ZPBP: variants seen among roughly 807,000 people sequenced by gnomAD.
The protein encoded by ZPBP is zona pellucida-binding protein 1.
A neutral mutation model predicts 44.8 loss-of-function variants in ZPBP; 26 were observed. The ratio of observed to expected loss-of-function variants is 0.58; its 90% CI spans 0.43 to 0.81. The LOEUF (loss-of-function observed/expected upper bound fraction) is 0.81, where lower values mean the gene tolerates loss of function less well. Ranked by LOEUF, ZPBP falls within the 30% of genes least tolerant of loss-of-function variation. ZPBP has a pLI of 0.00. For synonymous variants in ZPBP, 174 were observed against 153.2 expected (o/e 1.14, Z -1.00); for missense variants, 409 against 434.0 (o/e 0.94, Z 0.51).
intron 4 of ZPBP, among the ~76,000 whole-genome samples, chr7:50,046,489 T>A (rs1251002473): frequency 6.7e-6 from 1 of 149,928 alleles, no homozygotes; most frequent in African/African-American, 2.5e-5. Flanking sequence ...GCAAAGGACA[T>A]GAACAGACAC....
intron 7 of ZPBP, among the ~76,000 whole-genome samples, chr7:49,974,882 A>G (rs1796439086): frequency 7.9e-3 from 2 of 254 alleles, no homozygotes; most frequent in African/African-American, 0.04. Flanking sequence ...TCCCTAGAGA[A>G]ATGCCCCATT....
chr7:50,020,570 C>T (rs1214312138), intron 5 of ZPBP, among the ~76,000 whole-genome samples: 1 of 152,060 alleles, frequency 6.6e-6, no homozygotes, highest in Non-Finnish European at 1.5e-5. Flanking sequence ...CTAAGCTTCT[C>T]GCACATCCCC....
intron 6 of ZPBP, among the ~76,000 whole-genome samples, chr7:49,997,261 C>A (rs1299298762): frequency 6.6e-6 from 1 of 152,156 alleles, no homozygotes; most frequent in Non-Finnish European, 1.5e-5. Context: ...TATTTTGACC[C>A]ATGTTTCAGC....
chr7:49,886,213 A>C (rs918223038), intron 2 of ZPBP, among the ~76,000 whole-genome samples: 7 of 152,306 alleles, frequency 4.6e-5, no homozygotes, highest in Non-Finnish European at 1.0e-4. Flanking sequence ...GACCTTGGTA[A>C]GCTGTGCTTC....
the ZPBP span, among the ~76,000 whole-genome samples, chr7:49,840,765 ACT>A: frequency 1.3e-5 from 2 of 151,596 alleles, no homozygotes; most frequent in South Asian, 2.1e-4. Flanking sequence ...ATTCAAGAAA[ACT>A]CTCCAAAATC....
At chr7:50,085,288 A>T (rs1295298572) in intron 2 of ZPBP, among the ~76,000 whole-genome samples, 1 of 152,096 alleles carries the variant, frequency 6.6e-6, no homozygotes, top group Non-Finnish European at 1.5e-5. Flanking sequence ...CAATACTTTG[A>T]TTTTTGATTT....
chr7:49,915,223 G>A (rs1366827871), intron 1 of ZPBP: 2 of 152,184 alleles, frequency 1.3e-5, no homozygotes, highest in East Asian at 3.9e-4. Context: ...CTGCATGCAA[G>A]AAGTATTAGA....
At chr7:49,993,442 A>C (rs1797653970) in intron 6 of ZPBP, among the ~76,000 whole-genome samples, 1 of 152,196 alleles carries the variant, frequency 6.6e-6, no homozygotes, top group Non-Finnish European at 1.5e-5. Flanking sequence ...ATTAAACACA[A>C]TTGATTGAAA....
At chr7:49,988,942 T>C (rs1171699316) in intron 6 of ZPBP, among the ~76,000 whole-genome samples, 1 of 152,220 alleles carries the variant, frequency 6.6e-6, no homozygotes, top group Non-Finnish European at 1.5e-5. Flanking sequence ...TTTTGAGCTA[T>C]TTATGACCTT....
Position 49,950,504 on chromosome 7 carries a change from T to C in ZPBP, c.962-12882A>G, listed in dbSNP as rs191987785. On this transcript the variant is annotated intron_variant, in intron 7 of 7. Coordinates refer to ENST00000046087, the MANE Select transcript of ZPBP (RefSeq NM_007009.3). The stretch of plus-strand genomic sequence containing the variant: ...ACAATGATCTCTATACTTAAGACAT[T>C]TTTGTAAGTTTTAGTAATAATTATA... Among the ~76,000 whole-genome samples the C allele has an allele frequency of 3.8e-3, 574 of 151,860 alleles. 2 individuals are homozygous for C. The highest frequency in any genetic ancestry group is 6.6e-3 in the Admixed American group (101 of 15,240).
intron 7 of ZPBP, among the ~76,000 whole-genome samples, chr7:49,969,239 T>A (rs1006708302): frequency 6.7e-6 from 1 of 149,582 alleles, no homozygotes; most frequent in South Asian, 2.1e-4. Context: ...ATAGCCAATA[T>A]ATATCTAAAT....
chr7:49,960,159 C>G (rs1166489791), intron 7 of ZPBP, among the ~76,000 whole-genome samples: 1 of 152,082 alleles, frequency 6.6e-6, no homozygotes, highest in African/African-American at 2.4e-5. Flanking sequence ...GTGACTCAGG[C>G]CTGTAATCCC....
At chr7:49,942,093 T>A (rs749952632) in intron 7 of ZPBP, among the ~76,000 whole-genome samples, 11 of 152,140 alleles carry the variant, frequency 7.2e-5, no homozygotes, top group Admixed American at 1.3e-4. Flanking sequence ...TTAGACCATA[T>A]ACAAAAATTA....
At chr7:49,878,500 T>C (rs1293394783) in intron 2 of ZPBP, among the ~76,000 whole-genome samples, 2 of 152,178 alleles carry the variant, frequency 1.3e-5, no homozygotes, top group Non-Finnish European at 2.9e-5. Flanking sequence ...CTGCTTTGAC[T>C]ATTTTCTTTC....
At chr7:49,991,432 G>A (rs1797566409) in intron 6 of ZPBP, among the ~76,000 whole-genome samples, 1 of 151,946 alleles carries the variant, frequency 6.6e-6, no homozygotes, top group Non-Finnish European at 1.5e-5. Context: ...AGAAAGTAAG[G>A]GTTATATAAT....
chr7:49,894,985 T>C (rs969735169), intron 2 of ZPBP, among the ~76,000 whole-genome samples: 2 of 152,204 alleles, frequency 1.3e-5, no homozygotes, highest in Non-Finnish European at 2.9e-5. Flanking sequence ...GAGTGAGTTT[T>C]TGTTAAATGT....
At chr7:49,845,294 A>G in the ZPBP span, among the ~76,000 whole-genome samples, 4 of 136,564 alleles carry the variant, frequency 2.9e-5, no homozygotes, top group South Asian at 2.1e-4. Context: ...AAGTCGAAGG[A>G]AAAAAAAAAG....
intron 3 of ZPBP, among the ~76,000 whole-genome samples, chr7:50,079,094 T>G (rs1349016121): frequency 6.6e-6 from 1 of 151,528 alleles, no homozygotes; most frequent in African/African-American, 2.4e-5. Context: ...ACACAAAATA[T>G]TACAAACTAC....
At chr7:49,865,065 A>G (rs1479664618) in intron 2 of ZPBP, among the ~76,000 whole-genome samples, 2 of 152,206 alleles carry the variant, frequency 1.3e-5, no homozygotes, top group Non-Finnish European at 2.9e-5. Flanking sequence ...TTTTGTAAAG[A>G]ATTGTAAATG....
Sources: allele counts gnomAD v4.1 joint callset (sites outside exome capture counted in the v4.1 genomes callset), GRCh38; gene constraint gnomAD v4.1.1; transcripts MANE v1.5; gene names NCBI Gene and HGNC (gene_info 2026-07-23, HGNC 2026-07-21).